Variants in CLIC5 observed in about 807,000 individuals in gnomAD.
CLIC5 encodes chloride intracellular channel protein 5.
Under a neutral mutation model 24.7 loss-of-function variants are expected in CLIC5, and 20 were observed. The observed-to-expected ratio is 0.81, with a 90% CI of 0.57 to 1.18. CLIC5 has a LOEUF of 1.18. CLIC5 is among the 50% of genes most tolerant of loss of function. The pLI is 0.00. For synonymous variants in CLIC5, 159 were observed against 135.6 expected, an observed-to-expected ratio of 1.17 and a Z score of -1.20; for missense variants, 341 against 326.1, an observed-to-expected ratio of 1.05 and a Z score of -0.35.
rs78430363 is a variant in CLIC5, at chr6:45,928,723, C to T, written c.406+12824G>A. On this transcript the variant is annotated intron_variant, in intron 4 of 5. Coordinates refer to ENST00000339561, the MANE Select transcript of CLIC5 (RefSeq NM_016929.5). ...CCTGTCTAAGGAGGTATGTGATGGC[C>T]TTTGCCAGTACATAAGAACATCAGA... is the stretch of plus-strand genomic sequence containing the variant. Among the ~76,000 whole-genome samples the T allele has an allele frequency of 9.6e-3, 1,465 of 151,848 alleles. 23 individuals carry two copies. Among genetic ancestry groups the T allele is most frequent in the African/African-American group, 0.033 (1,381 of 41,262 alleles).
At chr6:45,933,246 G>C (rs947770403) in intron 4 of CLIC5, among the ~76,000 whole-genome samples, 5 of 152,162 alleles carry the variant, frequency 3.3e-5, no homozygotes, top group African/African-American at 1.2e-4. Context: ...ACCAGGAGGT[G>C]GTGGGAACTA....
intron 1 of CLIC5, among the ~76,000 whole-genome samples, chr6:46,055,328 C>A (rs1367293083): frequency 6.6e-6 from 1 of 152,188 alleles, no homozygotes. Context: ...GCTTGGAACT[C>A]CAGACCTCAG....
chr6:46,081,456 A>G (rs1462836135), upstream of CLIC5, among the ~76,000 whole-genome samples: 2 of 152,190 alleles, frequency 1.3e-5, no homozygotes, highest in South Asian at 2.1e-4. Context: ...AGACTTCAAT[A>G]TTGTATCCAG....
In CLIC5 at chr6:45,885,498, A is replaced by AT. The variant is rs144027714; in HGVS notation, c.624-4311dup. On this transcript the variant is annotated intron_variant, in intron 6 of 6. Transcript: ENST00000644324. Reference sequence around the variant, plus strand: ...TCAACAGAAGATCGTTATTAAAAATATTTTTAAAAAATAGGTCAAATTGAA... The same window carrying AT: ...TCAACAGAAGATCGTTATTAAAAATATTTTTTAAAAAATAGGTCAAATTGAA... Among the ~76,000 whole-genome samples, 736 of 152,372 alleles carry AT rather than the reference A, an allele frequency of 4.8e-3. 7 individuals carry two copies. The highest frequency in any genetic ancestry group is 0.017 in the African/African-American group (687 of 41,584).
chr6:45,982,214 G>A (rs74914373), intron 1 of CLIC5, among the ~76,000 whole-genome samples: 3,498 of 152,078 alleles, frequency 0.023, 139 homozygotes, highest in African/African-American at 0.081. Flanking sequence ...CCATGCAGGG[G>A]CTGTGATTCT....
chr6:45,934,343 G>A (rs984615652), intron 4 of CLIC5: 2 of 151,978 alleles, frequency 1.3e-5, no homozygotes, highest in Non-Finnish European at 2.9e-5. Flanking sequence ...TGGAACAAGT[G>A]GAGTATAAAT....
chr6:46,016,379 T>C (rs1177323563), upstream of CLIC5, among the ~76,000 whole-genome samples: 1 of 152,046 alleles, frequency 6.6e-6, no homozygotes, highest in East Asian at 1.9e-4. Flanking sequence ...GCATTTGCCA[T>C]CCTTGGGCTA....
intron 1 of CLIC5, among the ~76,000 whole-genome samples, chr6:46,025,166 C>G (rs1045546623): frequency 2.6e-5 from 4 of 151,982 alleles, no homozygotes; most frequent in African/African-American, 9.7e-5. Context: ...AGCCTCAGTT[C>G]CTTTACCTGT....
At chr6:45,906,564 C>CTTTTTTTTTTTTTTTTTTT (rs35362216) in intron 5 of CLIC5, among the ~76,000 whole-genome samples, 1 of 141,688 alleles carries the variant, frequency 7.1e-6, no homozygotes. Flanking sequence ...TGTACATTGA[C>CTTTTTTTTTTTTTTTTTTT]TTTTTTTTTT....
chr6:46,075,424 C>A (rs1038500197), intron 1 of CLIC5, among the ~76,000 whole-genome samples: 2 of 151,926 alleles, frequency 1.3e-5, no homozygotes, highest in African/African-American at 2.4e-5. Flanking sequence ...AACAAACAAA[C>A]AAAAAATTTA....
chr6:45,902,818 C>T lies in CLIC5; in HGVS notation c.*270G>A. ...CCATATGTGGGCTCTCCAACACTGACTGACCCCAAACATGCTGAGCCCAGA... is the reference window on the plus strand; with the variant it reads ...CCATATGTGGGCTCTCCAACACTGATTGACCCCAAACATGCTGAGCCCAGA... On this transcript the variant is annotated 3_prime_UTR_variant, in exon 6 of 6. Coordinates refer to ENST00000339561, the MANE Select transcript of CLIC5 (RefSeq NM_016929.5). The T allele has an allele frequency of 2.1e-6, 1 of 478,960 alleles. No homozygotes were observed. The highest frequency in any genetic ancestry group is 2.5e-5 in the South Asian group (1 of 39,476). 29.7% of individuals were successfully genotyped at this position (478,960 alleles called of 1,614,324 possible).
At chr6:46,015,386 T>G in intron 1 of CLIC5, 94 bp downstream of exon 1, 1 of 1,293,112 alleles carries the variant, frequency 7.7e-7, no homozygotes, top group Non-Finnish European at 1.0e-6. Context: ...GCCGCCCTCC[T>G]GGGAGGGTCC....
At chr6:46,035,137 A>G (rs1562016673) in intron 1 of CLIC5, among the ~76,000 whole-genome samples, 1 of 152,190 alleles carries the variant, frequency 6.6e-6, no homozygotes, top group Admixed American at 6.5e-5. Context: ...GGGAAAAAGG[A>G]GATCGGGAAG....
At chr6:46,078,501 T>C (rs1048234783) in intron 1 of CLIC5, among the ~76,000 whole-genome samples, 2 of 152,176 alleles carry the variant, frequency 1.3e-5, no homozygotes, top group African/African-American at 4.8e-5. Flanking sequence ...ATCTCAGCAC[T>C]CCTTCTCTGA....
intron 1 of CLIC5, among the ~76,000 whole-genome samples, chr6:46,063,545 C>A (rs944146947): frequency 9.9e-5 from 15 of 152,156 alleles, no homozygotes; most frequent in African/African-American, 3.4e-4. Context: ...CAGTTCCTAA[C>A]AGAGAGAGAG....
chr6:45,912,719 C>T (rs1386574436), intron 5 of CLIC5: 1 of 1,535,200 alleles, frequency 6.5e-7, no homozygotes, highest in Non-Finnish European at 8.7e-7. Flanking sequence ...ATTATATCAT[C>T]CCTTTCAGTG....
the CLIC5 span, among the ~76,000 whole-genome samples, chr6:46,104,648 CAA>C: frequency 1.4e-5 from 2 of 143,338 alleles, no homozygotes; most frequent in African/African-American, 5.2e-5. Context: ...CATAAAGAGG[CAA>C]AGACTCCTAT....
At chr6:46,048,658 C>T (rs1177716278) in intron 1 of CLIC5, among the ~76,000 whole-genome samples, 1 of 152,152 alleles carries the variant, frequency 6.6e-6, no homozygotes, top group African/African-American at 2.4e-5. Context: ...CTCCTGAAAC[C>T]TCAGCCCTGA....
chr6:45,893,017 C>G (rs1228769622), intron 6 of CLIC5, among the ~76,000 whole-genome samples: 1 of 152,186 alleles, frequency 6.6e-6, no homozygotes, highest in Middle Eastern at 3.2e-3. Context: ...CACCCTTATA[C>G]AGTTCCCTTT....
Sources: allele counts gnomAD v4.1 joint callset (sites outside exome capture counted in the v4.1 genomes callset), GRCh38; gene constraint gnomAD v4.1.1; transcripts MANE v1.5; gene names NCBI Gene and HGNC (gene_info 2026-07-23, HGNC 2026-07-21).